The following PHC2 variants were observed in gnomAD, a reference collection of about 807,000 sequenced individuals.
The protein encoded by PHC2 is polyhomeotic-like protein 2.
PHC2 carries 29 observed loss-of-function variants against 87.4 expected under a neutral mutation model. The observed-to-expected ratio is 0.33, with a 90% CI of 0.25 to 0.45. The LOEUF (loss-of-function observed/expected upper bound fraction) is 0.45. Ranked by LOEUF, PHC2 falls within the 20% of genes least tolerant of loss-of-function variation. PHC2 has a pLI of 1.00. For synonymous variants in PHC2, 438 were observed against 461.7 expected (o/e 0.95, Z 0.66); for missense variants, 857 against 1,136.7 (o/e 0.75, Z 3.54).
chr1:33,367,152 C>T lies in PHC2; in HGVS notation c.940G>A (p.Val314Ile). Residue 314 changes from valine to isoleucine, a missense_variant, in exon 7 of 15, where the codon GTT (valine) becomes ATT (isoleucine). Val to Ile is a conservative substitution (Grantham distance 29). Coordinates refer to ENST00000683057, the MANE Select transcript of PHC2 (RefSeq NM_001385109.1). Reference sequence around the variant, plus strand: ...AGGGGGTGGGCAGCCACAGCAGGAACCGTCCGGCTGAGCCCAGCCCGGCCT... The same window carrying T: ...AGGGGGTGGGCAGCCACAGCAGGAATCGTCCGGCTGAGCCCAGCCCGGCCT... The part of the protein sequence containing the change: ...MEGRAGLSRT[V>I]PAVAAHPLIA... The T allele has an allele frequency of 6.2e-7, 1 of 1,613,112 alleles. No individual in the cohort carries two copies. The highest frequency in any genetic ancestry group is 8.5e-7 in the Non-Finnish European group (1 of 1,179,356).
At position 33,370,401 on chromosome 1, in the gene PHC2, C is replaced by T; in HGVS notation, c.576+20G>A. The T allele has an allele frequency of 1.9e-6, 3 of 1,605,120 alleles. No homozygotes were observed. The highest frequency in any genetic ancestry group is 2.6e-6 in the Non-Finnish European group (3 of 1,173,238). On this transcript the variant is annotated intron_variant, in intron 5 of 14. Transcript: ENST00000683057. ...TCCTCCTGGTGCCTCTGAGCCATGG[C>T]CCTGGCCATGGGTACTCACCATCTG... is the stretch of plus-strand genomic sequence containing the variant.
Position 33,325,474 on chromosome 1 carries a change from C to T in PHC2, c.2426-455G>A, listed in dbSNP as rs143227516. ...CCCTGGTGGTCCCCGGCCTCCTTGC[C>T]GTGTGAGTGAACCGTGCTGGAAGTG... On this transcript the variant is annotated intron_variant, in intron 14 of 14. Coordinates refer to ENST00000683057, the MANE Select transcript of PHC2 (RefSeq NM_001385109.1). The T allele has an allele frequency of 2.8e-3, 550 of 193,260 alleles. 3 individuals are homozygous for T. Among genetic ancestry groups the T allele is most frequent in the Admixed American group, 5.5e-3 (98 of 17,804 alleles). 12.0% of individuals were successfully genotyped at this position (193,260 alleles called of 1,614,324 possible).
chr1:33,417,202 G>C (rs942556132), intron 1 of PHC2, among the ~76,000 whole-genome samples: 1 of 151,654 alleles, frequency 6.6e-6, no homozygotes, highest in Admixed American at 6.6e-5. Context: ...AATCCAAAAT[G>C]AGGCCAAAAA....
chr1:33,334,195 G>C lies in PHC2; in HGVS notation c.1656C>G (p.Ala552=). Residue 552 remains alanine (A), a synonymous_variant, in exon 10 of 15, where the codon GCC becomes GCG. Transcript: ENST00000683057. This position sits in a 1 kb window ranked among gnomAD's most constrained non-coding sequence, Gnocchi z 5.5. ...GTGGTTTATTCTCACCATTCTGGGG[G>C]GCAGTGCCGGCGATGCTGGAGGCAG... ...GNSASSIAGT[A]PQNGENKPPQ... is the part of the protein sequence containing the mutation. 1 of 1,612,838 alleles carries C rather than the reference G, an allele frequency of 6.2e-7. No individual in the cohort carries two copies. The highest frequency in any genetic ancestry group is 8.5e-7 in the Non-Finnish European group (1 of 1,179,656).
chr1:33,393,724 A>AATACC (rs1649177201), intron 1 of PHC2, among the ~76,000 whole-genome samples: 2 of 150,236 alleles, frequency 1.3e-5, no homozygotes, highest in African/African-American at 2.5e-5. Context: ...AGGCAAGAAT[A>AATACC]AACTCTACCC....
intron 1 of PHC2, among the ~76,000 whole-genome samples, chr1:33,409,214 C>T (rs1649887433): frequency 6.6e-6 from 1 of 151,974 alleles, no homozygotes; most frequent in Admixed American, 6.6e-5. Context: ...AAAATAATCC[C>T]AGGGGTTCAC....
At chr1:33,414,414 T>C (rs1215968673) in intron 1 of PHC2, among the ~76,000 whole-genome samples, 2 of 152,214 alleles carry the variant, frequency 1.3e-5, no homozygotes, top group East Asian at 3.8e-4. Flanking sequence ...ATGTTCTCAC[T>C]ATTGTTTTGA....
At chr1:33,381,592 T>C (rs903846467) in intron 1 of PHC2, among the ~76,000 whole-genome samples, 3 of 151,828 alleles carry the variant, frequency 2.0e-5, no homozygotes, top group Non-Finnish European at 4.4e-5. Flanking sequence ...TGTAAGGTCA[T>C]CATAGAACTG....
chr1:33,402,630 A>G (rs1256464042), intron 1 of PHC2, among the ~76,000 whole-genome samples: 1 of 152,216 alleles, frequency 6.6e-6, no homozygotes, highest in Non-Finnish European at 1.5e-5. Flanking sequence ...AAAATGACAT[A>G]CAATCTCAGG....
At chr1:33,395,890 T>C (rs1649273110) in intron 1 of PHC2, among the ~76,000 whole-genome samples, 1 of 152,162 alleles carries the variant, frequency 6.6e-6, no homozygotes, top group African/African-American at 2.4e-5. Flanking sequence ...ATCTGAAACA[T>C]TGGAATAAAT....
chr1:33,356,279 A>ATATG (rs1553185697), intron 7 of PHC2, among the ~76,000 whole-genome samples: 3 of 129,228 alleles, frequency 2.3e-5, no homozygotes, highest in African/African-American at 1.0e-4. Flanking sequence ...ATATATATGT[A>ATATG]TATATATATA....
At chr1:33,342,813 C>T (rs1646770031) in intron 9 of PHC2, among the ~76,000 whole-genome samples, 1 of 152,202 alleles carries the variant, frequency 6.6e-6, no homozygotes, top group South Asian at 2.1e-4. Context: ...GATAGTCTCA[C>T]ATCATAGTGC....
intron 1 of PHC2, among the ~76,000 whole-genome samples, chr1:33,410,964 T>G (rs1405623559): frequency 6.6e-6 from 1 of 152,188 alleles, no homozygotes; most frequent in Non-Finnish European, 1.5e-5. Context: ...GTCCTTGTTT[T>G]GTTTATCACC....
rs186209909 is a variant in PHC2 at position 33,398,541 on chromosome 1, T to G, written c.-54-22948A>C. On this transcript the variant is annotated intron_variant, in intron 1 of 14. Coordinates refer to ENST00000683057, the MANE Select transcript of PHC2 (RefSeq NM_001385109.1). Reference sequence around the variant, plus strand: ...TTTTCTCATTTATCCTTTTCTTTATTTTCCAAATGTCTATGTATCTTAAAG... The same window carrying G: ...TTTTCTCATTTATCCTTTTCTTTATGTTCCAAATGTCTATGTATCTTAAAG... Among the ~76,000 whole-genome samples the G allele has an allele frequency of 2.0e-5, 3 of 152,324 alleles. No individual in the cohort carries two copies. The East Asian group carries it at 5.8e-4, about 29-fold the overall frequency.
rs1263287673 is a variant in PHC2 at position 33,344,987 on chromosome 1, T to C, written c.1558+9414A>G. Among the ~76,000 whole-genome samples, 3 of 152,214 alleles carry C rather than the reference T, an allele frequency of 2.0e-5. 1 individual carries two copies. The highest frequency in any genetic ancestry group is 4.4e-5 in the Non-Finnish European group (3 of 68,048). On this transcript the variant is annotated intron_variant, in intron 9 of 14. Coordinates refer to ENST00000683057, the MANE Select transcript of PHC2 (RefSeq NM_001385109.1). ...TTGTTCAAAAATGTCTTAATATAGC[T>C]GTGTGGCTTTAGGTCACATATGGAT...
chr1:33,330,534 T>C (rs1408866687), intron 12 of PHC2, among the ~76,000 whole-genome samples: 1 of 152,208 alleles, frequency 6.6e-6, no homozygotes, highest in Non-Finnish European at 1.5e-5. Context: ...CCACTATAAA[T>C]GTTACCCTGT....
At chr1:33,333,071 T>C (rs922776239) in intron 10 of PHC2, among the ~76,000 whole-genome samples, 1 of 152,108 alleles carries the variant, frequency 6.6e-6, no homozygotes, top group African/African-American at 2.4e-5. Context: ...CTCCACCCCA[T>C]GAGATCAGGT....
chr1:33,403,424 G>A (rs991619124), intron 1 of PHC2, among the ~76,000 whole-genome samples: 13 of 152,016 alleles, frequency 8.6e-5, no homozygotes, highest in African/African-American at 2.7e-4. Flanking sequence ...TGCACCTGGC[G>A]GGAAAACTTA....
intron 1 of PHC2, among the ~76,000 whole-genome samples, chr1:33,386,815 C>T (rs1043440192): frequency 2.6e-5 from 4 of 152,074 alleles, no homozygotes; most frequent in African/African-American, 9.7e-5. Context: ...CACACACACC[C>T]TGCACACATA....
Sources: allele counts gnomAD v4.1 joint callset (sites outside exome capture counted in the v4.1 genomes callset), GRCh38; gene constraint gnomAD v4.1.1; non-coding constraint Gnocchi (gnomAD v3.1); transcripts MANE v1.5; gene names NCBI Gene and HGNC (gene_info 2026-07-23, HGNC 2026-07-21).